PSMD14: variants seen among roughly 807,000 people sequenced by gnomAD.
The protein encoded by PSMD14 is proteasome 26S subunit, non-ATPase 14.
PSMD14 carries 7 observed loss-of-function variants against 41.2 expected under a neutral mutation model. That is an observed-to-expected ratio of 0.17 (90% confidence interval 0.10 to 0.32). The LOEUF (loss-of-function observed/expected upper bound fraction) is 0.32. Among genes scored for constraint, PSMD14 ranks in the 10% least tolerant of loss-of-function variants. PSMD14 has a pLI of 1.00. For missense variants in PSMD14, 139 were observed against 375.6 expected (o/e 0.37, Z 5.21); for synonymous variants, 114 against 122.3 (o/e 0.93, Z 0.45).
chr2:161,390,216 A>G (rs564397152), intron 8 of PSMD14, among the ~76,000 whole-genome samples: 1 of 151,936 alleles, frequency 6.6e-6, no homozygotes, highest in Non-Finnish European at 1.5e-5. Flanking sequence ...TAGTTAGAGA[A>G]GTGGTGGTTA....
At chr2:161,409,095 C>A (rs996912316) in intron 11 of PSMD14, among the ~76,000 whole-genome samples, 196 bp downstream of exon 11, 2 of 151,940 alleles carry the variant, frequency 1.3e-5, no homozygotes, top group Non-Finnish European at 2.9e-5. Flanking sequence ...ATCACAAATA[C>A]CTAAGAGATA....
At position 161,382,683 on chromosome 2, in the gene PSMD14, T is replaced by C. The variant is rs556804449; in HGVS notation, c.463-2781T>C. The C allele has an allele frequency of 3.3e-5, 5 of 151,842 alleles. No individual in the cohort carries two copies. The South Asian group carries it at 8.3e-4, about 25-fold the overall frequency. 9.4% of individuals were successfully genotyped at this position (151,842 alleles called of 1,614,324 possible). ...GTCTAGCATCATATTCCTGAAAATA[T>C]TCTTCATACTTTAGCTCAGAGGTTT... On this transcript the variant is annotated intron_variant, in intron 7 of 11. Transcript: ENST00000409682.
intron 3 of PSMD14, among the ~76,000 whole-genome samples, chr2:161,365,641 T>TTA (rs1157041496): frequency 6.6e-6 from 1 of 152,236 alleles, no homozygotes; most frequent in Non-Finnish European, 1.5e-5. Context: ...ATTTTATGAA[T>TTA]ACAGTGTTCG....
intron 3 of PSMD14, among the ~76,000 whole-genome samples, chr2:161,363,315 T>C (rs1345673568): frequency 6.6e-6 from 1 of 152,232 alleles, no homozygotes; most frequent in Non-Finnish European, 1.5e-5. Context: ...AATTTTATTA[T>C]ATTTCTAAAA....
At chr2:161,358,923 ATTTGAGACT>A in intron 3 of PSMD14, among the ~76,000 whole-genome samples, 1 of 152,250 alleles carries the variant, frequency 6.6e-6, no homozygotes, top group East Asian at 1.9e-4. Context: ...AACCCTTCGT[ATTTGAGACT>A]TCTGTTTCTA....
chr2:161,359,443 T>C lies in PSMD14; in HGVS notation c.49-8035T>C, dbSNP rs118087283. ...GATTTTTAAAAAGTCTCAAATGCTT[T>C]GTGTAACTTAGATTTCCCACAGCTT... On this transcript the variant is annotated intron_variant, in intron 3 of 11. Coordinates refer to ENST00000409682, the MANE Select transcript of PSMD14 (RefSeq NM_005805.6). 5.3e-4 allele frequency among the ~76,000 whole-genome samples: 81 copies of C among 152,368 alleles called. 2 individuals are homozygous for C. The East Asian group carries it at 0.015, about 28-fold the overall frequency.
chr2:161,337,574 T>A lies in PSMD14; in HGVS notation c.48+18701T>A, dbSNP rs1405729276. ...ATCAATATTTTAGTTTGGGAGAGTA[T>A]CATTCAGATTGTTAATAGGCATTGC... On this transcript the variant is annotated intron_variant, in intron 3 of 11. Coordinates refer to ENST00000409682, the MANE Select transcript of PSMD14 (RefSeq NM_005805.6). Among the ~76,000 whole-genome samples the A allele has an allele frequency of 2.6e-5, 4 of 152,332 alleles. No individual in the cohort carries two copies. The East Asian group carries it at 7.7e-4, about 29-fold the overall frequency.
chr2:161,374,331 T>G (rs1037195976), intron 7 of PSMD14, among the ~76,000 whole-genome samples: 1 of 152,024 alleles, frequency 6.6e-6, no homozygotes, highest in African/African-American at 2.4e-5. Flanking sequence ...TTAAAATGTG[T>G]TGTTCAATTA....
intron 7 of PSMD14, among the ~76,000 whole-genome samples, chr2:161,378,563 T>G (rs1488779850): frequency 6.6e-6 from 1 of 152,000 alleles, no homozygotes; most frequent in Non-Finnish European, 1.5e-5. Flanking sequence ...ACTTACTCTG[T>G]TACAGAATGG....
intron 3 of PSMD14, among the ~76,000 whole-genome samples, chr2:161,334,361 A>G (rs1245925827): frequency 2.6e-5 from 4 of 151,776 alleles, no homozygotes; most frequent in African/African-American, 7.3e-5. Context: ...AAATTATGTA[A>G]TTTTTTTTGA....
At chr2:161,359,587 G>A (rs1429678411) in intron 3 of PSMD14, among the ~76,000 whole-genome samples, 1 of 151,826 alleles carries the variant, frequency 6.6e-6, no homozygotes, top group Non-Finnish European at 1.5e-5. Context: ...GCTCTCTATA[G>A]CCCACTGTGC....
At chr2:161,384,665 A>G (rs1683611872) in intron 7 of PSMD14, 1 of 151,820 alleles carries the variant, frequency 6.6e-6, no homozygotes. Flanking sequence ...AAAACTTTAC[A>G]GTGTTGAAAA....
At chr2:161,368,348 A>G (rs919232999) in intron 5 of PSMD14, among the ~76,000 whole-genome samples, 2 of 152,088 alleles carry the variant, frequency 1.3e-5, no homozygotes, top group African/African-American at 4.8e-5. Context: ...GTGATGAATG[A>G]CTTTTTAAGC....
intron 11 of PSMD14, among the ~76,000 whole-genome samples, chr2:161,410,688 C>T (rs929464927): frequency 6.6e-6 from 1 of 152,030 alleles, no homozygotes; most frequent in Admixed American, 6.6e-5. Flanking sequence ...AAAATAGCTA[C>T]ATGAAACATT....
intron 3 of PSMD14, 82 bp from the exon 4 acceptor site, chr2:161,367,396 A>T: frequency 8.9e-7 from 1 of 1,119,908 alleles, no homozygotes; most frequent in South Asian, 1.4e-5. Flanking sequence ...TAAAAATATC[A>T]AGTTTATACC....
At chr2:161,342,293 C>A (rs1682975425) in intron 3 of PSMD14, among the ~76,000 whole-genome samples, 1 of 151,996 alleles carries the variant, frequency 6.6e-6, no homozygotes, top group South Asian at 2.1e-4. Context: ...TACTCTTTAT[C>A]AGGTTGAAGA....
intron 3 of PSMD14, among the ~76,000 whole-genome samples, chr2:161,332,120 G>A (rs1022658496): frequency 6.6e-6 from 1 of 151,966 alleles, no homozygotes; most frequent in Admixed American, 6.5e-5. Flanking sequence ...TAAAATTTTT[G>A]GGAAATTAAA....
intron 3 of PSMD14, among the ~76,000 whole-genome samples, chr2:161,362,469 T>G (rs988951373): frequency 6.6e-6 from 1 of 152,210 alleles, no homozygotes; most frequent in Admixed American, 6.5e-5. Flanking sequence ...TCTTCCATTT[T>G]TTAGCTTTTA....
At chr2:161,320,283 C>A (rs930960446) in intron 3 of PSMD14, among the ~76,000 whole-genome samples, 2 of 152,142 alleles carry the variant, frequency 1.3e-5, no homozygotes, top group Admixed American at 6.5e-5. Flanking sequence ...AGCATAGATA[C>A]AATAAATTAC....
Sources: gnomAD v4.1 joint callset for allele counts (sites outside exome capture counted in the v4.1 genomes callset) on GRCh38, gnomAD v4.1.1 for gene constraint, MANE v1.5 for transcripts, NCBI Gene and HGNC (gene_info 2026-07-23, HGNC 2026-07-21) for gene names.